The following MAP4K3 variants were observed in gnomAD, a reference collection of about 807,000 sequenced individuals.
MAP4K3 encodes mitogen-activated protein kinase kinase kinase kinase 3, also known as MAPK/ERK kinase kinase kinase 3.
Under a neutral mutation model 143.5 loss-of-function variants are expected in MAP4K3, and 94 were observed. The ratio of observed to expected loss-of-function variants is 0.65; its 90% CI spans 0.55 to 0.78. The LOEUF is 0.78. MAP4K3 is among the 30% of genes least tolerant of loss of function. The probability of loss-of-function intolerance (pLI) is 0.00; values close to 1 mark genes in which losing one functional copy is unlikely to be tolerated. For missense variants in MAP4K3, 1,077 were observed against 1,068.1 expected (o/e 1.01, Z -0.12); for synonymous variants, 416 against 347.2 (o/e 1.20, Z -2.20).
chr2:39,322,813 G>A (rs985657096), intron 12 of MAP4K3, among the ~76,000 whole-genome samples: 2 of 151,784 alleles, frequency 1.3e-5, no homozygotes, highest in South Asian at 2.1e-4. Context: ...GGGATTACAC[G>A]CATGAGCCAC....
intron 1 of MAP4K3, among the ~76,000 whole-genome samples, chr2:39,431,644 C>T (rs1558354974): frequency 6.6e-6 from 1 of 152,060 alleles, no homozygotes; most frequent in Non-Finnish European, 1.5e-5. Flanking sequence ...GGATTTTAGG[C>T]AGAGACAGCA....
intron 1 of MAP4K3, among the ~76,000 whole-genome samples, chr2:39,416,995 G>C (rs1296670858): frequency 1.3e-5 from 2 of 151,830 alleles, no homozygotes; most frequent in Non-Finnish European, 2.9e-5. Context: ...ACTAAAATCG[G>C]TTCTTACATG....
chr2:39,401,988 A>T (rs1459547639), intron 1 of MAP4K3, among the ~76,000 whole-genome samples: 1 of 152,232 alleles, frequency 6.6e-6, no homozygotes, highest in Non-Finnish European at 1.5e-5. Flanking sequence ...TAAGGTAAGA[A>T]GAAAAATCAA....
chr2:39,417,407 G>C (rs1356891757), intron 1 of MAP4K3, among the ~76,000 whole-genome samples: 2 of 152,050 alleles, frequency 1.3e-5, no homozygotes, highest in Non-Finnish European at 2.9e-5. Context: ...TTTTAGTAGA[G>C]ACGTGGTTTC....
chr2:39,374,945 A>G (rs1277479381), intron 2 of MAP4K3, among the ~76,000 whole-genome samples: 1 of 152,152 alleles, frequency 6.6e-6, no homozygotes, highest in Non-Finnish European at 1.5e-5. Context: ...TTGTTTCCAA[A>G]AAATGGAAGA....
intron 1 of MAP4K3, among the ~76,000 whole-genome samples, chr2:39,407,943 AAAG>A (rs1667139815): frequency 6.6e-6 from 1 of 152,010 alleles, no homozygotes; most frequent in African/African-American, 2.4e-5. Flanking sequence ...AGATATTAGT[AAAG>A]AAGAGAAGCA....
At chr2:39,367,550 A>C (rs1665959137) in intron 2 of MAP4K3, among the ~76,000 whole-genome samples, 1 of 152,032 alleles carries the variant, frequency 6.6e-6, no homozygotes, top group Non-Finnish European at 1.5e-5. Context: ...AAAAAACAAA[A>C]AAAGAAAAGG....
At chr2:39,414,614 G>A (rs1453938242) in intron 1 of MAP4K3, among the ~76,000 whole-genome samples, 1 of 152,034 alleles carries the variant, frequency 6.6e-6, no homozygotes, top group South Asian at 2.1e-4. Context: ...GGTGGCTCAC[G>A]CCTGTAATCA....
intron 3 of MAP4K3, among the ~76,000 whole-genome samples, chr2:39,355,284 C>G (rs1665578800): frequency 6.8e-6 from 1 of 148,140 alleles, no homozygotes; most frequent in Non-Finnish European, 1.5e-5. Context: ...TCACTTGAAC[C>G]CGGGAGGTGG....
intron 1 of MAP4K3, among the ~76,000 whole-genome samples, chr2:39,385,556 A>T (rs1404948475): frequency 1.2e-4 from 1 of 8,192 alleles, no homozygotes. Flanking sequence ...TTCTTCATAT[A>T]TATATATATA....
At chr2:39,419,468 C>T (rs544907580) in intron 1 of MAP4K3, among the ~76,000 whole-genome samples, 115 of 152,122 alleles carry the variant, frequency 7.6e-4, no homozygotes, top group African/African-American at 2.7e-3. Context: ...CATCATAGCG[C>T]GATAGAAACA....
chr2:39,311,329 T>C (rs1199082425), intron 13 of MAP4K3, among the ~76,000 whole-genome samples: 7 of 152,182 alleles, frequency 4.6e-5, no homozygotes, highest in Admixed American at 3.9e-4. Flanking sequence ...TCCGCCCGCC[T>C]CGGCCTCCTA....
intron 19 of MAP4K3, among the ~76,000 whole-genome samples, chr2:39,289,185 A>G (rs924645760): frequency 1.3e-5 from 2 of 152,240 alleles, no homozygotes; most frequent in African/African-American, 2.4e-5. Context: ...TGTAGAATTT[A>G]TAACGTGTCT....
intron 1 of MAP4K3, among the ~76,000 whole-genome samples, chr2:39,428,051 C>T (rs1665151336): frequency 6.6e-6 from 1 of 152,146 alleles, no homozygotes; most frequent in Admixed American, 6.5e-5. Flanking sequence ...TTCAGGAAGT[C>T]AACTTATTTT....
chr2:39,415,042 G>C (rs1055484761), intron 1 of MAP4K3, among the ~76,000 whole-genome samples: 2 of 152,134 alleles, frequency 1.3e-5, no homozygotes, highest in African/African-American at 4.8e-5. Flanking sequence ...AAGTTCAAGA[G>C]GTTATAAGCA....
At chr2:39,260,509 G>T in intron 29 of MAP4K3, 97 bp downstream of exon 29, 1 of 889,500 alleles carries the variant, frequency 1.1e-6, no homozygotes, top group Non-Finnish European at 1.8e-6. Context: ...AAGACTGGCA[G>T]TATATGCAGT....
chr2:39,256,552 T>C (rs909986248), intron 31 of MAP4K3, among the ~76,000 whole-genome samples: 10 of 152,232 alleles, frequency 6.6e-5, no homozygotes, highest in African/African-American at 2.4e-4. Flanking sequence ...ATTACATAAA[T>C]ACATTTTCTG....
chr2:39,335,854 G>A (rs920928336), intron 6 of MAP4K3, among the ~76,000 whole-genome samples: 1 of 152,104 alleles, frequency 6.6e-6, no homozygotes, highest in African/African-American at 2.4e-5. Context: ...TGCGCATAAG[G>A]GCATTTTCTC....
Position 39,336,969 on chromosome 2 carries a change from T to C in MAP4K3, c.367-2A>G, listed in dbSNP as rs1558653658. The C allele has an allele frequency of 1.5e-6, 2 of 1,348,286 alleles. No individual in the cohort carries two copies. The highest frequency in any genetic ancestry group is 2.4e-5 in the East Asian group (1 of 41,262). 83.5% of individuals were successfully genotyped at this position (1,348,286 alleles called of 1,614,324 possible). ...TTTACTGTGAAGATAATATAATCCC[T>C]GGAGTTTCAAAAAACAGAAAAATAA... On this transcript the variant is annotated splice_acceptor_variant, in intron 5 of 33. Coordinates refer to ENST00000263881, the MANE Select transcript of MAP4K3 (RefSeq NM_003618.4). LOFTEE classifies it high-confidence loss of function.
Sources: gnomAD v4.1 joint callset for allele counts (sites outside exome capture counted in the v4.1 genomes callset) on GRCh38, gnomAD v4.1.1 for gene constraint, MANE v1.5 for transcripts, NCBI Gene and HGNC (gene_info 2026-07-23, HGNC 2026-07-21) for gene names.